The following CYP4F2 variants were observed in gnomAD, a reference collection of about 807,000 sequenced individuals.
The protein encoded by CYP4F2 is cytochrome P450 family 4 subfamily F member 2.
Under a neutral mutation model 58.9 loss-of-function variants are expected in CYP4F2, and 58 were observed. The observed-to-expected ratio is 0.98, with a 90% confidence interval of 0.80 to 1.23. The LOEUF (loss-of-function observed/expected upper bound fraction) is 1.23, where lower values mean the gene tolerates loss of function less well. Among genes scored for constraint, CYP4F2 ranks in the 50% most tolerant of loss-of-function variants. CYP4F2 has a pLI of 0.00. For missense variants in CYP4F2, 616 were observed against 685.6 expected, an observed-to-expected ratio of 0.90 and a Z score of 1.13; for synonymous variants, 287 against 261.1, an observed-to-expected ratio of 1.10 and a Z score of -0.95.
chr19:15,878,937 C>T lies in CYP4F2; in HGVS notation c.1398-1G>A. The T allele has an allele frequency of 1.2e-6, 2 of 1,612,940 alleles. No homozygotes were observed. The highest frequency in any genetic ancestry group is 1.7e-4 in the Middle Eastern group (1 of 5,748). On this transcript the variant is annotated splice_acceptor_variant, in intron 12 of 12. Transcript: ENST00000221700. LOFTEE classifies it high-confidence loss of function. ...CGCGAACGTCTGCCCGATGCAGTTCCTAGGGGAGGGAGGTGGGAACTCTGA... is the reference window on the plus strand; with the variant it reads ...CGCGAACGTCTGCCCGATGCAGTTCTTAGGGGAGGGAGGTGGGAACTCTGA...
intron 5 of CYP4F2, 138 bp from the exon 6 acceptor site, chr19:15,890,571 G>T (rs2089410763): frequency 1.5e-6 from 2 of 1,356,450 alleles, no homozygotes; most frequent in South Asian, 1.5e-5. Flanking sequence ...GGAGCACCAG[G>T]TTATGGTGCA....
chr19:15,897,064 A>T (rs1361233560), intron 2 of CYP4F2, among the ~76,000 whole-genome samples: 1 of 152,200 alleles, frequency 6.6e-6, no homozygotes, highest in African/African-American at 2.4e-5. Context: ...GACCCTGGAC[A>T]GTGGGCATAA....
intron 5 of CYP4F2, among the ~76,000 whole-genome samples, chr19:15,890,999 CG>C (rs2089413124): frequency 6.6e-6 from 1 of 152,164 alleles, no homozygotes; most frequent in African/African-American, 2.4e-5. Context: ...TGGATTTCCC[CG>C]TCTGCATTGT....
Position 15,889,623 on chromosome 19 carries a change from G to A in CYP4F2, c.718C>T (p.Leu240Phe), listed in dbSNP as rs755878390. 6.2e-7 allele frequency: 1 copy of A among 1,614,184 alleles called. No homozygotes were observed. Residue 240 changes from leucine to phenylalanine, a missense_variant, in exon 7 of 13, where the codon CTC becomes TTC. Leu to Phe is a conservative substitution (Grantham distance 22). Transcript: ENST00000221700. ...ALVSKRHHEI[L>F]LHIDFLYYLT... ...TAATACAGGAAGTCAATATGCAGGAGGATCTCATGGTGTCTTTTTGATACA... is the reference window on the plus strand; with the variant it reads ...TAATACAGGAAGTCAATATGCAGGAAGATCTCATGGTGTCTTTTTGATACA...
rs995422303 is a variant in CYP4F2 at position 15,890,377 on chromosome 19, G to A, written c.582C>T (p.His194=). Residue 194 remains histidine (H), a synonymous_variant, in exon 6 of 13, where the codon CAC becomes CAT. Transcript: ENST00000221700. ...EGSACLDMFE[H]ISLMTLDSLQ... ...GACTGTCCAAGGTCATGAGGCTGAT[G>A]TGCTCAAACATATCCAAACAGGCAC... The A allele has an allele frequency of 1.2e-6, 2 of 1,614,150 alleles. No individual in the cohort carries two copies. The highest frequency in any genetic ancestry group is 1.7e-6 in the Non-Finnish European group (2 of 1,180,014).
At chr19:15,879,108 C>G (rs1048402036) in intron 12 of CYP4F2, among the ~76,000 whole-genome samples, 172 bp from the exon 13 acceptor site, 32 of 152,110 alleles carry the variant, frequency 2.1e-4, no homozygotes, top group Non-Finnish European at 4.3e-4. Flanking sequence ...CAAGCCTAGC[C>G]GAGCTCCAAC....
At chr19:15,880,147 G>T (rs572299920) in intron 9 of CYP4F2, among the ~76,000 whole-genome samples, 5 of 152,230 alleles carry the variant, frequency 3.3e-5, no homozygotes, top group African/African-American at 1.2e-4. Flanking sequence ...GATAAAGACA[G>T]CCCCTGCTCA....
At chr19:15,883,892 C>G (rs1471268636) in intron 9 of CYP4F2, among the ~76,000 whole-genome samples, 1 of 152,088 alleles carries the variant, frequency 6.6e-6, no homozygotes, top group African/African-American at 2.4e-5. Flanking sequence ...AACCCCAGCC[C>G]TATTAAAAAT....
At chr19:15,894,398 T>C (rs2089436359) in intron 3 of CYP4F2, among the ~76,000 whole-genome samples, 1 of 152,120 alleles carries the variant, frequency 6.6e-6, no homozygotes, top group Non-Finnish European at 1.5e-5. Flanking sequence ...CTGGGAACTC[T>C]AGGGGAAAGG....
Position 15,895,576 on chromosome 19 carries a change from C to G in CYP4F2, c.273G>C (p.Trp91Cys), listed in dbSNP as rs140102489. The stretch of plus-strand genomic sequence containing the variant: ...TGAGGAGGGGGGAGATGGGTCCCAT[C>G]CAGACCTTAAAGCCCTGGGGGTAGG... Reference protein sequence around the residue: ...VATYPQGFKVWMGPISPLLSL... With the variant: ...VATYPQGFKVCMGPISPLLSL... Residue 91 changes from tryptophan (W) to cysteine (C), a missense_variant, in exon 3 of 13, where the codon TGG becomes TGC. Coordinates refer to ENST00000221700, the MANE Select transcript of CYP4F2 (RefSeq NM_001082.5). 1 of 1,587,862 alleles carries G rather than the reference C, an allele frequency of 6.3e-7. No homozygotes were observed. The highest frequency in any genetic ancestry group is 8.6e-7 in the Non-Finnish European group (1 of 1,169,524).
At chr19:15,895,765 T>A in intron 2 of CYP4F2, 115 bp from the exon 3 acceptor site, 1 of 1,315,586 alleles carries the variant, frequency 7.6e-7, no homozygotes, top group Non-Finnish European at 1.0e-6. Flanking sequence ...GTGTGTCTAA[T>A]CTATTCATCC....
At chr19:15,885,775 G>T (rs3093222) in intron 9 of CYP4F2, 149 bp downstream of exon 9, 22,290 of 1,229,470 alleles carry the variant, frequency 0.018, 286 homozygotes, top group South Asian at 0.031. Flanking sequence ...AGTCAGGATG[G>T]GTACTAAGTC....
chr19:15,885,429 G>A (rs1367855103), intron 9 of CYP4F2, among the ~76,000 whole-genome samples: 1 of 152,126 alleles, frequency 6.6e-6, no homozygotes, highest in Admixed American at 6.5e-5. Flanking sequence ...ACAGATGTGG[G>A]GGTGAAAATG....
rs770713508 is a variant in CYP4F2 at position 15,890,448 on chromosome 19, G to C, written c.526-15C>G. On this transcript the variant is annotated splice_polypyrimidine_tract_variant and intron_variant, in intron 5 of 12. Transcript: ENST00000221700. ...TGCCACTTGGCCTAGCCAGAGAAGG[G>C]GACAGAGCTGGGGCAGGCTCCTTGC... 1 of 1,613,686 alleles carries C rather than the reference G, an allele frequency of 6.2e-7. No individual in the cohort carries two copies. The highest frequency in any genetic ancestry group is 1.1e-5 in the South Asian group (1 of 91,056).
intron 7 of CYP4F2, among the ~76,000 whole-genome samples, chr19:15,887,927 G>C (rs2089390722): frequency 6.7e-6 from 1 of 148,934 alleles, no homozygotes; most frequent in African/African-American, 2.5e-5. Flanking sequence ...CCTAGACATA[G>C]ACACAGATAT....
At chr19:15,897,189 G>T (rs1177533646) in intron 2 of CYP4F2, among the ~76,000 whole-genome samples, 1 of 152,154 alleles carries the variant, frequency 6.6e-6, no homozygotes, top group Non-Finnish European at 1.5e-5. Flanking sequence ...AAGACAGGCA[G>T]GAAAAGGATT....
At chr19:15,893,955 C>G (rs3093131) in intron 3 of CYP4F2, 3,554 of 230,574 alleles carry the variant, frequency 0.015, 114 homozygotes, top group African/African-American at 0.075. Context: ...GGGAAGAGGT[C>G]GAAGCCCTCT....
At position 15,878,686 on chromosome 19, in the gene CYP4F2, G is replaced by T. The variant is rs1380816274; in HGVS notation, c.*85C>A. 6.4e-7 allele frequency: 1 copy of T among 1,551,542 alleles called. No individual in the cohort carries two copies. Among genetic ancestry groups the T allele is most frequent in the African/African-American group, 1.4e-5 (1 of 73,112 alleles). On this transcript the variant is annotated 3_prime_UTR_variant, in exon 13 of 13. Transcript: ENST00000221700. ...ATCTAGGATGGAATACAGGACTGTG[G>T]AACAGGGTCTTAGGGTAATTCTAGG...
At chr19:15,895,769 T>G (rs2089443901) in intron 2 of CYP4F2, 119 bp from the exon 3 acceptor site, 2 of 1,278,932 alleles carry the variant, frequency 1.6e-6, no homozygotes, top group Non-Finnish European at 2.1e-6. Flanking sequence ...GTCTAATCTA[T>G]TCATCCTATC....
Sources: allele counts gnomAD v4.1 joint callset (sites outside exome capture counted in the v4.1 genomes callset), GRCh38; gene constraint gnomAD v4.1.1; transcripts MANE v1.5; gene names NCBI Gene and HGNC (gene_info 2026-07-23, HGNC 2026-07-21).